Variants in SLC28A1 observed in about 807,000 individuals in gnomAD.
SLC28A1 encodes the protein sodium/nucleoside cotransporter 1.
Under a neutral mutation model 74.8 loss-of-function variants are expected in SLC28A1, and 64 were observed. The ratio of observed to expected loss-of-function variants is 0.86; its 90% CI spans 0.70 to 1.05. The LOEUF (loss-of-function observed/expected upper bound fraction) is 1.05. Among genes scored for constraint, SLC28A1 ranks in the 50% least tolerant of loss-of-function variants. The pLI, the probability that SLC28A1 is intolerant of heterozygous loss-of-function variation, is 0.00. For synonymous variants in SLC28A1, 359 were observed against 335.0 expected (o/e 1.07, Z -0.78); for missense variants, 828 against 822.8 (o/e 1.01, Z -0.08).
At chr15:84,911,685 C>T (rs1387459334) in intron 9 of SLC28A1, among the ~76,000 whole-genome samples, 1 of 151,804 alleles carries the variant, frequency 6.6e-6, no homozygotes, top group African/African-American at 2.4e-5. Flanking sequence ...AATATGAAAC[C>T]CCATCTCTAC....
chr15:84,944,220 AAAG>A (rs1973049800), intron 16 of SLC28A1, among the ~76,000 whole-genome samples: 1 of 152,240 alleles, frequency 6.6e-6, no homozygotes, highest in African/African-American at 2.4e-5. Flanking sequence ...CCCATTTTAC[AAAG>A]AAGGAAACTG....
intron 10 of SLC28A1, among the ~76,000 whole-genome samples, chr15:84,920,463 A>AAAGGAAAGGGGAAGGGG (rs1555451244): frequency 7.1e-6 from 1 of 141,526 alleles, no homozygotes; most frequent in Admixed American, 7.3e-5. Context: ...AAAGGAAAGG[A>AAAGGAAAGGGGAAGGGG]AAGGGGAAGG....
chr15:84,964,366 T>A, the SLC28A1 span, among the ~76,000 whole-genome samples: 1 of 152,180 alleles, frequency 6.6e-6, no homozygotes, highest in Non-Finnish European at 1.5e-5. Context: ...GCCCACTCCT[T>A]TCAGGGCACT....
intron 15 of SLC28A1, among the ~76,000 whole-genome samples, chr15:84,942,043 C>G (rs1972784330): frequency 6.6e-6 from 1 of 151,968 alleles, no homozygotes; most frequent in African/African-American, 2.4e-5. Flanking sequence ...ATTTATTATC[C>G]TATATTTTCT....
At chr15:84,916,639 G>A (rs912336713) in intron 9 of SLC28A1, among the ~76,000 whole-genome samples, 1 of 152,084 alleles carries the variant, frequency 6.6e-6, no homozygotes, top group South Asian at 2.1e-4. Context: ...TATTCCACAG[G>A]CATCTCAAAT....
Position 84,895,842 on chromosome 15 carries a change from G to A in SLC28A1, c.461+719G>A, listed in dbSNP as rs533896552. ...ACTCTATTTTGTTGATGAAGAAGCT[G>A]GTGACCAAAGATACCCAAAGACTAA... On this transcript the variant is annotated intron_variant, in intron 6 of 18. Coordinates refer to ENST00000394573, the MANE Select transcript of SLC28A1 (RefSeq NM_004213.5). 139 of 1,077,992 alleles carry A rather than the reference G, an allele frequency of 1.3e-4. 2 individuals carry two copies. In the South Asian group the frequency reaches 3.7e-3, roughly 29 times the overall value. 66.8% of individuals were successfully genotyped at this position (1,077,992 alleles called of 1,614,324 possible).
At chr15:84,932,221 G>C (rs1195797700) in intron 12 of SLC28A1, among the ~76,000 whole-genome samples, 3 of 151,976 alleles carry the variant, frequency 2.0e-5, no homozygotes, top group Admixed American at 2.0e-4. Context: ...TTCAATGACA[G>C]CCTGACGACG....
At chr15:84,934,653 G>A (rs556768017) in intron 13 of SLC28A1, among the ~76,000 whole-genome samples, 45 of 152,252 alleles carry the variant, frequency 3.0e-4, no homozygotes, top group Non-Finnish European at 6.0e-4. Context: ...TTTAATAACC[G>A]ATTTTACTTA....
Position 84,933,079 on chromosome 15 carries a change from C to T in SLC28A1, c.1084-66C>T, listed in dbSNP as rs376842040. The T allele has an allele frequency of 2.5e-5, 40 of 1,583,656 alleles. 1 individual carries two copies. Among genetic ancestry groups the T allele is most frequent in the South Asian group, 2.0e-4 (18 of 89,814 alleles). On this transcript the variant is annotated intron_variant, in intron 12 of 18. Transcript: ENST00000394573. ...CACATGTGCCCTTGCTGCCCTGGGCCGCACTCCTTGGTCGCCAGCATTTCT... is the reference window on the plus strand; with the variant it reads ...CACATGTGCCCTTGCTGCCCTGGGCTGCACTCCTTGGTCGCCAGCATTTCT...
rs770172365 is a variant in SLC28A1 at position 84,935,517 on chromosome 15, C to A, written c.1580C>A (p.Ser527Tyr). ...EWVGDRKQWISVRAEVLTTFA... is the reference protein window; with the variant it reads ...EWVGDRKQWIYVRAEVLTTFA... ...GTCGGCGACAGGAAGCAGTGGATCT[C>A]CGTGAGTGTCCCAGTCCCTTCCCTG... Residue 527 changes from serine (S) to tyrosine (Y), a missense_variant and splice_region_variant, in exon 15 of 19, where the codon TCC becomes TAC. Transcript: ENST00000394573. 6.2e-7 allele frequency: 1 copy of A among 1,612,114 alleles called. No homozygotes were observed. The highest frequency in any genetic ancestry group is 1.1e-5 in the South Asian group (1 of 91,054).
chr15:84,912,000 C>G (rs576271993), intron 9 of SLC28A1, among the ~76,000 whole-genome samples: 11 of 152,128 alleles, frequency 7.2e-5, no homozygotes, highest in Non-Finnish European at 1.5e-4. Flanking sequence ...CATTTCCCAG[C>G]GAAACACCAG....
In SLC28A1 at chr15:84,944,852, G is replaced by C; in HGVS notation, c.1859G>C (p.Arg620Pro). The change falls in exon 18 of 19, where the codon CGT becomes CCT. Residue 620 changes from arginine (R) to proline (P), a missense_variant. Coordinates refer to ENST00000394573, the MANE Select transcript of SLC28A1 (RefSeq NM_004213.5). ...AGCTTTGAGATTTACCAGTGCTGCCGTGAGGCCTTCCAGAGGTGAGGGCCT... is the reference window on the plus strand; with the variant it reads ...AGCTTTGAGATTTACCAGTGCTGCCCTGAGGCCTTCCAGAGGTGAGGGCCT... ...SSSFEIYQCC[R>P]EAFQSVNPEF... is the part of the protein sequence containing the mutation. The C allele has an allele frequency of 6.2e-7, 1 of 1,612,502 alleles. No homozygotes were observed. The highest frequency in any genetic ancestry group is 1.7e-4 in the Middle Eastern group (1 of 6,058).
intron 6 of SLC28A1, among the ~76,000 whole-genome samples, chr15:84,897,208 C>G: frequency 7.6e-6 from 1 of 131,974 alleles, no homozygotes; most frequent in African/African-American, 2.6e-5. Context: ...AACCCTGTCT[C>G]TACTAAAAAT....
chr15:84,964,111 C>T, the SLC28A1 span, among the ~76,000 whole-genome samples: 1 of 152,182 alleles, frequency 6.6e-6, no homozygotes, highest in Admixed American at 6.5e-5. Context: ...CCTGTCTTGG[C>T]CCCTGTCATA....
intron 9 of SLC28A1, among the ~76,000 whole-genome samples, chr15:84,913,728 C>T (rs956535642): frequency 1.3e-5 from 2 of 152,218 alleles, no homozygotes; most frequent in African/African-American, 4.8e-5. Context: ...TTACTTGGCT[C>T]TTCCTTGAAG....
chr15:84,921,835 T>G (rs1969865010), intron 11 of SLC28A1, among the ~76,000 whole-genome samples: 1 of 152,230 alleles, frequency 6.6e-6, no homozygotes, highest in Non-Finnish European at 1.5e-5. Context: ...GTCAAAAAAA[T>G]CCCTTAAGGT....
the SLC28A1 span, among the ~76,000 whole-genome samples, chr15:84,965,228 T>A: frequency 6.6e-6 from 1 of 152,326 alleles, no homozygotes; most frequent in East Asian, 1.9e-4. Context: ...GCACTTCTCC[T>A]TCCTCCCACC....
At chr15:84,905,862 T>A (rs181318236) in intron 8 of SLC28A1, among the ~76,000 whole-genome samples, 2 of 151,870 alleles carry the variant, frequency 1.3e-5, no homozygotes, top group African/African-American at 2.4e-5. Context: ...GAGGTCCCAA[T>A]AGAGTAGTCT....
intron 5 of SLC28A1, among the ~76,000 whole-genome samples, chr15:84,892,950 C>G (rs1461817742): frequency 2.6e-5 from 4 of 152,172 alleles, no homozygotes; most frequent in Non-Finnish European, 5.9e-5. Context: ...CAAACCAATC[C>G]CTGTGAATGG....
Sources: allele counts gnomAD v4.1 joint callset (sites outside exome capture counted in the v4.1 genomes callset), GRCh38; gene constraint gnomAD v4.1.1; transcripts MANE v1.5; gene names NCBI Gene and HGNC (gene_info 2026-07-23, HGNC 2026-07-21).